KPNA3: variants seen among roughly 807,000 people sequenced by gnomAD.
KPNA3 encodes the protein karyopherin subunit alpha 3.
In KPNA3, 13 loss-of-function variants were observed where a neutral mutation model predicts 73.8. The ratio of observed to expected loss-of-function variants is 0.18; its 90% CI spans 0.11 to 0.28. The LOEUF is 0.28. KPNA3 is among the 10% of genes least tolerant of loss of function. KPNA3 has a pLI of 1.00. For synonymous variants in KPNA3, 186 were observed against 206.9 expected, an observed-to-expected ratio of 0.90 and a Z score of 0.87; for missense variants, 360 against 618.1, an observed-to-expected ratio of 0.58 and a Z score of 4.43.
At position 49,746,902 on chromosome 13, in the gene KPNA3, C is replaced by T. The variant is rs1448982237; in HGVS notation, c.114+47G>A. On this transcript the variant is annotated intron_variant, in intron 2 of 16. Transcript: ENST00000261667. ...TTATTCAAGATACACAGAATTTTAA[C>T]ATCAGAAAAATCTAATTACTTTTCT... is the stretch of plus-strand genomic sequence containing the variant. 3 of 1,409,848 alleles carry T rather than the reference C, an allele frequency of 2.1e-6. No homozygotes were observed. In the African/African-American group the frequency reaches 4.2e-5, roughly 20 times the overall value. The allele number at this position is 1,409,848 out of a possible 1,614,324, so 87.3% of individuals were successfully genotyped here. A position where few individuals can be genotyped will look rare whatever the true frequency, so the allele number is the denominator to read the frequency against.
At chr13:49,766,094 T>C (rs1954805709) in intron 1 of KPNA3, among the ~76,000 whole-genome samples, 1 of 152,236 alleles carries the variant, frequency 6.6e-6, no homozygotes, top group South Asian at 2.1e-4. Flanking sequence ...GATATTCAAC[T>C]ACCTCAAAAA....
rs191417487 is a variant in KPNA3, at chr13:49,787,618, C to T, written c.69+4820G>A. ...GCCTCCCCGGTTCAAGTGATTCTCT[C>T]GCCTCAGCCTCCCTTGTAGCTGGGA... On this transcript the variant is annotated intron_variant, in intron 1 of 16. Coordinates refer to ENST00000261667, the MANE Select transcript of KPNA3 (RefSeq NM_002267.4). Among the ~76,000 whole-genome samples, 103 of 152,032 alleles carry T rather than the reference C, an allele frequency of 6.8e-4. 1 individual carries two copies. Among genetic ancestry groups the T allele is most frequent in the African/African-American group, 2.4e-3 (100 of 41,456 alleles).
intron 12 of KPNA3, 122 bp from the exon 13 acceptor site, chr13:49,706,494 A>AAGTGATTTGTATACCT: frequency 1.6e-6 from 1 of 619,048 alleles, no homozygotes; most frequent in Non-Finnish European, 2.7e-6. Context: ...ACTGCACCTA[A>AAGTGATTTGTATACCT]AAAGTGATTA....
chr13:49,745,417 T>C (rs1193583301), intron 2 of KPNA3, among the ~76,000 whole-genome samples: 1 of 140,416 alleles, frequency 7.1e-6, no homozygotes. Flanking sequence ...TGGAGTGTAG[T>C]GGCGTGACCC....
At chr13:49,704,220 A>C (rs1954178680) in intron 15 of KPNA3, among the ~76,000 whole-genome samples, 2 of 151,992 alleles carry the variant, frequency 1.3e-5, no homozygotes, top group South Asian at 4.1e-4. Context: ...TTGGGAGTTT[A>C]AGACCAGCCT....
chr13:49,730,723 C>G (rs1017623586), intron 6 of KPNA3, among the ~76,000 whole-genome samples: 13 of 148,342 alleles, frequency 8.8e-5, no homozygotes, highest in African/African-American at 3.2e-4. Flanking sequence ...CACCCATTAA[C>G]TCGTCATTCA....
chr13:49,781,030 T>C (rs1034180140), intron 1 of KPNA3, among the ~76,000 whole-genome samples: 24 of 152,124 alleles, frequency 1.6e-4, no homozygotes, highest in African/African-American at 5.3e-4. Flanking sequence ...CCAGAAATAC[T>C]GTTACTTTAG....
chr13:49,729,047 T>C (rs1314641930), intron 6 of KPNA3, among the ~76,000 whole-genome samples: 2 of 152,220 alleles, frequency 1.3e-5, no homozygotes, highest in Non-Finnish European at 2.9e-5. Flanking sequence ...TCTTTAGGGA[T>C]AGACAATGGC....
chr13:49,755,687 A>G lies in KPNA3; in HGVS notation c.70-8694T>C, dbSNP rs1033607503. 3.3e-5 allele frequency among the ~76,000 whole-genome samples: 5 copies of G among 152,196 alleles called. No individual in the cohort carries two copies. In the East Asian group the frequency reaches 5.8e-4, roughly 18 times the overall value. On this transcript the variant is annotated intron_variant, in intron 1 of 16. Transcript: ENST00000261667. Reference sequence around the variant, plus strand: ...ACACCTGTAGTCCCAGCTACTCGGGAGGCTGAGGCAGAGGAATCGCTTGAA... The same window carrying G: ...ACACCTGTAGTCCCAGCTACTCGGGGGGCTGAGGCAGAGGAATCGCTTGAA...
At chr13:49,709,128 C>T (rs919487418) in intron 12 of KPNA3, among the ~76,000 whole-genome samples, 10 of 152,138 alleles carry the variant, frequency 6.6e-5, no homozygotes, top group Admixed American at 1.3e-4. Flanking sequence ...AAAGGCTGGG[C>T]GCGGTGGCTC....
At chr13:49,783,817 C>T (rs893370918) in intron 1 of KPNA3, among the ~76,000 whole-genome samples, 1 of 152,104 alleles carries the variant, frequency 6.6e-6, no homozygotes, top group African/African-American at 2.4e-5. Flanking sequence ...TGGCATTAAA[C>T]TATTTGTTCT....
At chr13:49,737,825 T>C (rs962077525) in intron 2 of KPNA3, among the ~76,000 whole-genome samples, 2 of 152,220 alleles carry the variant, frequency 1.3e-5, no homozygotes, top group East Asian at 1.9e-4. Context: ...ACTAGTCTTT[T>C]ACTGAATACG....
intron 9 of KPNA3, among the ~76,000 whole-genome samples, chr13:49,720,941 G>A (rs1954350738): frequency 6.6e-6 from 1 of 152,090 alleles, no homozygotes; most frequent in African/African-American, 2.4e-5. Context: ...GTTAGGCCGT[G>A]GGGGCAGTGG....
chr13:49,753,434 G>A (rs1443404017), intron 1 of KPNA3, among the ~76,000 whole-genome samples: 1 of 152,140 alleles, frequency 6.6e-6, no homozygotes, highest in African/African-American at 2.4e-5. Flanking sequence ...CACAACTCAA[G>A]GACTACTGTT....
At chr13:49,719,920 G>C (rs2273816) in intron 9 of KPNA3, 101 bp from the exon 10 acceptor site, 2 of 730,862 alleles carry the variant, frequency 2.7e-6, no homozygotes, top group African/African-American at 3.7e-5. Flanking sequence ...TTTGTAGGGC[G>C]AGAAAGACAA....
At position 49,701,710 on chromosome 13, in the gene KPNA3, G is replaced by A. The variant is rs949300843; in HGVS notation, c.*90C>T. ...AAAACAAAGAGGCATGTGTGTTTTG[G>A]AGCCTTTTGTTGCTGTTGTTCTTAT... is the stretch of plus-strand genomic sequence containing the variant. On this transcript the variant is annotated 3_prime_UTR_variant, in exon 17 of 17. Transcript: ENST00000261667. 5 of 847,058 alleles carry A rather than the reference G, an allele frequency of 5.9e-6. No individual in the cohort carries two copies. Among genetic ancestry groups the A allele is most frequent in the Non-Finnish European group, 1.0e-5 (5 of 484,924 alleles). The allele number at this position is 847,058 out of a possible 1,614,324, so 52.5% of individuals were successfully genotyped here.
chr13:49,718,016 T>C (rs1226827837), intron 10 of KPNA3, among the ~76,000 whole-genome samples: 2 of 152,158 alleles, frequency 1.3e-5, no homozygotes, highest in Non-Finnish European at 2.9e-5. Context: ...TGTGAGCCTA[T>C]GGATTATACT....
intron 14 of KPNA3, 67 bp downstream of exon 14, chr13:49,706,031 G>T (rs2137531545): frequency 7.2e-7 from 1 of 1,391,584 alleles, no homozygotes; most frequent in Non-Finnish European, 1.0e-6. Flanking sequence ...CAGCAACTAC[G>T]AAACATAAGA....
chr13:49,756,207 G>A (rs1954710076), intron 1 of KPNA3, among the ~76,000 whole-genome samples: 1 of 152,164 alleles, frequency 6.6e-6, no homozygotes, highest in South Asian at 2.1e-4. Flanking sequence ...TCGGGAGACG[G>A]AGGCTGCAGT....
Sources: allele counts gnomAD v4.1 joint callset (sites outside exome capture counted in the v4.1 genomes callset), GRCh38; gene constraint gnomAD v4.1.1; transcripts MANE v1.5; gene names NCBI Gene and HGNC (gene_info 2026-07-23, HGNC 2026-07-21).